The following SSX5 variants were observed in gnomAD, a reference collection of about 807,000 sequenced individuals.
SSX5 encodes protein SSX5.
A neutral mutation model predicts 14.9 loss-of-function variants in SSX5; 14 were observed. That is an observed-to-expected ratio of 0.94 (90% CI 0.62 to 1.47). The LOEUF (loss-of-function observed/expected upper bound fraction) is 1.47. SSX5 is among the 40% of genes most tolerant of loss of function. SSX5 has a pLI of 0.00. For synonymous variants in SSX5, 70 were observed against 55.4 expected (o/e 1.26, Z -1.17); for missense variants, 204 against 154.6 (o/e 1.32, Z -1.70).
At chrX:48,189,733 C>T (rs1315199614) in intron 6 of SSX5, among the ~76,000 whole-genome samples, 3 of 111,736 alleles carry the variant, frequency 2.7e-5, no homozygotes, top group African/African-American at 9.8e-5. Flanking sequence ...CTGAAGTACA[C>T]CTATATCGGG....
In SSX5 at chrX:48,194,209, A is replaced by C. The variant is rs2059431309; in HGVS notation, c.200T>G (p.Leu67Arg). ...AMTKLGFKAT[L>R]PPFMRNKRVA... ...CCGTTTATTACGCATGAAAGGTGGG[A>C]GGGTGGCCTTGAAACCTAGAAAGAA... Residue 67 changes from leucine to arginine, a missense_variant, in exon 4 of 8, where the codon CTC becomes CGC. Coordinates refer to ENST00000347757, the MANE Select transcript of SSX5 (RefSeq NM_175723.2). 4 of 1,210,508 alleles carry C rather than the reference A, an allele frequency of 3.3e-6. No individual in the cohort carries two copies. The highest frequency in any genetic ancestry group is 4.5e-6 in the Non-Finnish European group (4 of 894,964).
chrX:48,193,019 C>T (rs782620955), intron 4 of SSX5, among the ~76,000 whole-genome samples: 1 of 112,301 alleles, frequency 8.9e-6, no homozygotes, highest in East Asian at 2.8e-4. Flanking sequence ...AGTGGGAAAG[C>T]TCTCTGTGTG....
At chrX:48,192,065 A>C (rs781806145) in intron 5 of SSX5, among the ~76,000 whole-genome samples, 167 bp downstream of exon 5, 1 of 112,494 alleles carries the variant, frequency 8.9e-6, no homozygotes, top group South Asian at 3.7e-4. Context: ...AGTATTAAGG[A>C]TCACAACTGT....
intron 3 of SSX5, 122 bp from the exon 4 acceptor site, chrX:48,194,346 T>G: frequency 1.3e-6 from 1 of 772,100 alleles, no homozygotes; most frequent in Non-Finnish European, 2.0e-6. Flanking sequence ...GCCAGGAGTT[T>G]GAGGCTGCAG....
chrX:48,194,672 A>C, intron 3 of SSX5, 68 bp downstream of exon 3: 1 of 1,106,271 alleles, frequency 9.0e-7, no homozygotes, highest in South Asian at 2.0e-5. Flanking sequence ...CAGCCTAAGA[A>C]ATAGCCAAAG....
At chrX:48,189,957 G>A (rs1162537544) in intron 6 of SSX5, among the ~76,000 whole-genome samples, 176 bp downstream of exon 6, 1 of 111,616 alleles carries the variant, frequency 9.0e-6, no homozygotes, top group African/African-American at 3.3e-5. Flanking sequence ...TTATATGAAT[G>A]ACAACTCCAG....
intron 5 of SSX5, among the ~76,000 whole-genome samples, chrX:48,190,635 A>G (rs1385183826): frequency 8.9e-6 from 1 of 112,015 alleles, no homozygotes; most frequent in Admixed American, 9.5e-5. Flanking sequence ...AAGGGATCCC[A>G]TATAAGCTCG....
intron 4 of SSX5, among the ~76,000 whole-genome samples, chrX:48,193,598 A>C (rs1316744476): frequency 9.0e-6 from 1 of 110,705 alleles, no homozygotes; most frequent in East Asian, 2.8e-4. Context: ...AAAATTAAAA[A>C]ATTAGCTGGG....
rs1255090323 is a variant in SSX5, at chrX:48,186,554, G to A, written c.*307C>T. 1.2e-5 allele frequency: 5 copies of A among 430,875 alleles called. No individual in the cohort carries two copies. Among genetic ancestry groups the A allele is most frequent in the South Asian group, 3.3e-5 (1 of 30,535 alleles). The allele number at this position is 430,875 out of a possible 1,213,427, so 35.5% of individuals were successfully genotyped here. ...GTGTTGTTCTATGCAGAGAATACCT[G>A]ACGATACTTGTTTTCTGAGGTAGGT... On this transcript the variant is annotated 3_prime_UTR_variant, in exon 8 of 8. Coordinates refer to ENST00000347757, the MANE Select transcript of SSX5 (RefSeq NM_175723.2).
At chrX:48,190,799 T>C (rs1160710737) in intron 5 of SSX5, among the ~76,000 whole-genome samples, 2 of 111,508 alleles carry the variant, frequency 1.8e-5, no homozygotes, top group African/African-American at 6.5e-5. Flanking sequence ...GTACCAGATC[T>C]GGCATACCAG....
intron 5 of SSX5, 151 bp downstream of exon 5, chrX:48,192,081 T>A: frequency 1.1e-6 from 1 of 927,019 alleles, no homozygotes; most frequent in Non-Finnish European, 1.5e-6. Context: ...ACTGTTAGTA[T>A]TAGCAAGCCG....
rs781956076 is a variant in SSX5 at position 48,195,117 on chromosome X, G to A, written c.69+173C>T. On this transcript the variant is annotated intron_variant, in intron 2 of 7. Coordinates refer to ENST00000347757, the MANE Select transcript of SSX5 (RefSeq NM_175723.2). ...AAATGTATTCCACGGTCACAGACTT[G>A]TCTCCAGGGATGCTAGGTGATGACA... The A allele has an allele frequency of 1.2e-5, 15 of 1,209,760 alleles. No individual in the cohort carries two copies. The African/African-American group carries it at 1.6e-4, about 13-fold the overall frequency.
intron 5 of SSX5, among the ~76,000 whole-genome samples, chrX:48,190,950 G>A (rs1244547047): frequency 9.1e-6 from 1 of 109,396 alleles, no homozygotes; most frequent in African/African-American, 3.3e-5. Flanking sequence ...CTTTTGCCAG[G>A]CTGGAGTGCA....
chrX:48,188,060 A>G (rs1285446751), intron 6 of SSX5, among the ~76,000 whole-genome samples: 4 of 111,764 alleles, frequency 3.6e-5, no homozygotes, highest in Non-Finnish European at 7.5e-5. Context: ...ACACAGGCGT[A>G]CCTTGTTTTA....
At chrX:48,188,268 C>T (rs1422753584) in intron 6 of SSX5, among the ~76,000 whole-genome samples, 6 of 111,982 alleles carry the variant, frequency 5.4e-5, no homozygotes, top group South Asian at 7.3e-4. Flanking sequence ...TGTGGGTACA[C>T]AGTAGGTGTA....
intron 1 of SSX5, among the ~76,000 whole-genome samples, chrX:48,195,838 G>A (rs2059438901): frequency 9.0e-6 from 1 of 111,340 alleles, no homozygotes; most frequent in African/African-American, 3.3e-5. Flanking sequence ...AGAGGGATGG[G>A]GGTTCTGTTC....
At chrX:48,191,956 A>G (rs1340591417) in intron 5 of SSX5, among the ~76,000 whole-genome samples, 1 of 112,413 alleles carries the variant, frequency 8.9e-6, no homozygotes, top group Non-Finnish European at 1.9e-5. Context: ...ACTCATTATT[A>G]TTTGGAGATA....
At chrX:48,188,421 G>C (rs782061590) in intron 6 of SSX5, among the ~76,000 whole-genome samples, 1 of 112,024 alleles carries the variant, frequency 8.9e-6, no homozygotes, top group East Asian at 2.8e-4. Context: ...TTTTCATACT[G>C]CACAATTAAG....
At chrX:48,191,503 C>T (rs1168982262) in intron 5 of SSX5, among the ~76,000 whole-genome samples, 1 of 110,996 alleles carries the variant, frequency 9.0e-6, no homozygotes, top group Non-Finnish European at 1.9e-5. Context: ...GCAGACAAGG[C>T]CCTCAAGGAG....
Sources: gnomAD v4.1 joint callset for allele counts (sites outside exome capture counted in the v4.1 genomes callset) on GRCh38, gnomAD v4.1.1 for gene constraint, MANE v1.5 for transcripts, NCBI Gene and HGNC (gene_info 2026-07-23, HGNC 2026-07-21) for gene names.